The following DHTKD1 variants were observed in gnomAD, a reference collection of about 807,000 sequenced individuals.
The protein encoded by DHTKD1 is 2-oxoadipate dehydrogenase complex component E1.
A neutral mutation model predicts 101.8 loss-of-function variants in DHTKD1; 78 were observed. That is an observed-to-expected ratio of 0.77 (90% CI 0.64 to 0.93). The LOEUF (loss-of-function observed/expected upper bound fraction) is 0.93, where lower values mean the gene tolerates loss of function less well. DHTKD1 is among the 40% of genes least tolerant of loss of function. The pLI is 0.00. For synonymous variants in DHTKD1, 462 were observed against 450.3 expected (o/e 1.03, Z -0.33); for missense variants, 1,223 against 1,161.7 (o/e 1.05, Z -0.77).
At chr10:12,083,898 A>C (rs568874572) in intron 2 of DHTKD1, among the ~76,000 whole-genome samples, 1 of 152,226 alleles carries the variant, frequency 6.6e-6, no homozygotes, top group African/African-American at 2.4e-5. Flanking sequence ...AATCGAGATA[A>C]GCATTAATAA....
rs189973674 is a variant in DHTKD1 at position 12,070,721 on chromosome 10, T to C, written c.154+1534T>C. 9.2e-5 allele frequency among the ~76,000 whole-genome samples: 14 copies of C among 152,328 alleles called. No individual in the cohort carries two copies. In the East Asian group the frequency reaches 2.7e-3, roughly 29 times the overall value. Reference sequence around the variant, plus strand: ...CCAGGCTGGTCTTGAACTCCCGACCTGAAGTGATCCACTGGCCTTGGCCTC... The same window carrying C: ...CCAGGCTGGTCTTGAACTCCCGACCCGAAGTGATCCACTGGCCTTGGCCTC... On this transcript the variant is annotated intron_variant, in intron 1 of 16. Coordinates refer to ENST00000263035, the MANE Select transcript of DHTKD1 (RefSeq NM_018706.7).
At chr10:12,101,230 C>T in intron 10 of DHTKD1, 49 bp downstream of exon 10, 1 of 1,573,732 alleles carries the variant, frequency 6.4e-7, no homozygotes, top group Non-Finnish European at 8.6e-7. Flanking sequence ...AACGATTACA[C>T]TTCCAGGATT....
intron 7 of DHTKD1, among the ~76,000 whole-genome samples, chr10:12,094,950 C>T (rs1337821317): frequency 6.6e-6 from 1 of 152,182 alleles, no homozygotes; most frequent in Non-Finnish European, 1.5e-5. Flanking sequence ...CTCCCATACT[C>T]TTCACACTTG....
At chr10:12,102,175 C>T (rs889241430) in intron 10 of DHTKD1, among the ~76,000 whole-genome samples, 1 of 151,910 alleles carries the variant, frequency 6.6e-6, no homozygotes, top group Non-Finnish European at 1.5e-5. Context: ...CCTGTAATCC[C>T]AGCACTTCGG....
chr10:12,082,471 G>C (rs1415101081), intron 2 of DHTKD1, among the ~76,000 whole-genome samples: 1 of 152,152 alleles, frequency 6.6e-6, no homozygotes, highest in Non-Finnish European at 1.5e-5. Flanking sequence ...GTGTGCATCA[G>C]TGAGTCATGT....
At chr10:12,085,168 G>C (rs1832878808) in intron 3 of DHTKD1, among the ~76,000 whole-genome samples, 1 of 152,124 alleles carries the variant, frequency 6.6e-6, no homozygotes. Context: ...AAATTAGCCA[G>C]GGGTGATGGT....
In DHTKD1 at chr10:12,097,724, A is replaced by G; in HGVS notation, c.1399A>G (p.Ile467Val). 1.9e-6 allele frequency: 3 copies of G among 1,613,406 alleles called. No individual in the cohort carries two copies. Among genetic ancestry groups the G allele is most frequent in the Non-Finnish European group, 1.7e-6 (2 of 1,179,368 alleles). ...SIPDTYAEHL[I>V]AGGLMTQEEV... ...TCCAGACACATATGCAGAGCACCTC[A>G]TTGCTGGCGGACTCATGACGCAGGA... The change falls in exon 8 of 17, where the codon ATT becomes GTT. Residue 467 changes from isoleucine to valine, a missense_variant. Transcript: ENST00000263035.
intron 5 of DHTKD1, among the ~76,000 whole-genome samples, chr10:12,090,125 T>C (rs963581596): frequency 6.6e-6 from 1 of 152,224 alleles, no homozygotes; most frequent in Non-Finnish European, 1.5e-5. Context: ...TGTGGTCATG[T>C]TTCTTCTGTG....
Position 12,107,775 on chromosome 10 carries a change from T to C in DHTKD1, c.2048-134T>C. The C allele has an allele frequency of 1.6e-6, 1 of 633,844 alleles. No homozygotes were observed. The highest frequency in any genetic ancestry group is 2.8e-6 in the Non-Finnish European group (1 of 351,770). 39.3% of individuals were successfully genotyped at this position (633,844 alleles called of 1,614,324 possible). On this transcript the variant is annotated intron_variant, in intron 11 of 16. Coordinates refer to ENST00000263035, the MANE Select transcript of DHTKD1 (RefSeq NM_018706.7). This position sits in a 1 kb window ranked among gnomAD's most constrained non-coding sequence, Gnocchi z 4.1. ...TTCCCTAAGTATAGCATAACAGTTC[T>C]AGAAGGTGCATGTAATGAAAGCAGT...
chr10:12,111,444 G>C (rs1409137617), intron 12 of DHTKD1, among the ~76,000 whole-genome samples: 1 of 152,210 alleles, frequency 6.6e-6, no homozygotes, highest in African/African-American at 2.4e-5. Context: ...AGGATTTCAG[G>C]CATGGGCCAC....
intron 10 of DHTKD1, among the ~76,000 whole-genome samples, chr10:12,102,980 TG>T (rs1833194535): frequency 6.6e-6 from 1 of 152,062 alleles, no homozygotes; most frequent in South Asian, 2.1e-4. Context: ...CCCAGCACTT[TG>T]GGAGGCCAAG....
intron 13 of DHTKD1, among the ~76,000 whole-genome samples, chr10:12,115,193 C>T (rs1349541224): frequency 2.0e-5 from 3 of 151,920 alleles, no homozygotes; most frequent in Non-Finnish European, 2.9e-5. Flanking sequence ...GCCTCCCAGG[C>T]TCAAGCAATT....
chr10:12,081,711 C>T, intron 2 of DHTKD1, 84 bp downstream of exon 2: 1 of 1,515,140 alleles, frequency 6.6e-7, no homozygotes, highest in Non-Finnish European at 9.1e-7. Flanking sequence ...AGCAGCATCC[C>T]CACTGGAGCT....
intron 12 of DHTKD1, among the ~76,000 whole-genome samples, chr10:12,109,990 G>A (rs1234723925): frequency 1.3e-5 from 2 of 151,716 alleles, no homozygotes; most frequent in African/African-American, 2.4e-5. Flanking sequence ...ATGCGGCTCA[G>A]AACAGCTTTG....
intron 4 of DHTKD1, among the ~76,000 whole-genome samples, 161 bp from the exon 5 acceptor site, chr10:12,088,825 T>A (rs566710328): frequency 6.6e-6 from 1 of 152,250 alleles, no homozygotes; most frequent in South Asian, 2.1e-4. Context: ...CCTCAAGTGA[T>A]CTTCCCGTCT....
Position 12,091,509 on chromosome 10 carries a change from T to G in DHTKD1, c.988-4T>G. On this transcript the variant is annotated splice_region_variant and splice_polypyrimidine_tract_variant and intron_variant, in intron 5 of 16. Transcript: ENST00000263035. Reference sequence around the variant, plus strand: ...CCACCCGCTCCCCTTGCCTCATGATTTAGGTCCATGGTGATGCTTCTTTCT... The same window carrying G: ...CCACCCGCTCCCCTTGCCTCATGATGTAGGTCCATGGTGATGCTTCTTTCT... The G allele has an allele frequency of 1.3e-6, 2 of 1,581,392 alleles. No individual in the cohort carries two copies. Among genetic ancestry groups the G allele is most frequent in the Non-Finnish European group, 1.7e-6 (2 of 1,160,850 alleles).
chr10:12,113,342 C>T (rs2131624482), intron 13 of DHTKD1, among the ~76,000 whole-genome samples: 1 of 152,268 alleles, frequency 6.6e-6, no homozygotes, highest in South Asian at 2.1e-4. Flanking sequence ...AGATTACAGG[C>T]ATGTGCCACC....
chr10:12,087,864 CCTGT>C lies in DHTKD1; in HGVS notation c.717+136_717+139del. The C allele has an allele frequency of 5.5e-6, 4 of 730,320 alleles. No individual in the cohort carries two copies. The highest frequency in any genetic ancestry group is 8.3e-6 in the Non-Finnish European group (4 of 479,252). 45.2% of individuals were successfully genotyped at this position (730,320 alleles called of 1,614,324 possible). On this transcript the variant is annotated intron_variant, in intron 4 of 16. Transcript: ENST00000263035. This position sits in a 1 kb window ranked among gnomAD's most constrained non-coding sequence, Gnocchi z 5.2. ...CTGTGGCTCACACCTGCAATCCCAG[CCTGT>C]TGGGAGGATGAGGCAGGAGGATGGC... is the stretch of plus-strand genomic sequence containing the variant.
intron 1 of DHTKD1, among the ~76,000 whole-genome samples, chr10:12,073,954 TTC>T (rs1373003679): frequency 2.6e-5 from 4 of 152,226 alleles, no homozygotes; most frequent in African/African-American, 9.6e-5. Context: ...GCCTCTGATA[TTC>T]TCCTTTATTT....
Sources: allele counts gnomAD v4.1 joint callset (sites outside exome capture counted in the v4.1 genomes callset), GRCh38; gene constraint gnomAD v4.1.1; non-coding constraint Gnocchi (gnomAD v3.1); transcripts MANE v1.5; gene names NCBI Gene and HGNC (gene_info 2026-07-23, HGNC 2026-07-21).